LRRC4C: variants seen among roughly 807,000 people sequenced by gnomAD.
LRRC4C encodes the protein leucine-rich repeat-containing protein 4C.
In LRRC4C, 5 loss-of-function variants were observed where a neutral mutation model predicts 33.6. The ratio of observed to expected loss-of-function variants is 0.15; its 90% CI spans 0.08 to 0.31. The LOEUF (loss-of-function observed/expected upper bound fraction) is 0.31. Ranked by LOEUF, LRRC4C falls within the 10% of genes least tolerant of loss-of-function variation. The probability of loss-of-function intolerance (pLI) is 1.00; values close to 1 mark genes in which losing one functional copy is unlikely to be tolerated. For missense variants in LRRC4C, 560 were observed against 796.7 expected (o/e 0.70, Z 3.58); for synonymous variants, 329 against 302.0 (o/e 1.09, Z -0.93).
At chr11:40,619,870 A>C (rs1293181047) in intron 3 of LRRC4C, among the ~76,000 whole-genome samples, 1 of 151,280 alleles carries the variant, frequency 6.6e-6, no homozygotes, top group East Asian at 1.9e-4. Context: ...GAATGCACAG[A>C]GACTGTCAAG....
chr11:40,585,606 A>T (rs926047795), intron 3 of LRRC4C, among the ~76,000 whole-genome samples: 2 of 135,196 alleles, frequency 1.5e-5, no homozygotes, highest in Non-Finnish European at 3.2e-5. Flanking sequence ...ATATCTCCCA[A>T]TGGTATCCCT....
chr11:40,976,365 A>G (rs1309824602), intron 1 of LRRC4C, among the ~76,000 whole-genome samples: 3 of 152,166 alleles, frequency 2.0e-5, no homozygotes, highest in African/African-American at 7.2e-5. Context: ...TTGTGTATTC[A>G]TAAGCAAGGG....
chr11:40,943,142 A>T (rs1958233807), intron 1 of LRRC4C, among the ~76,000 whole-genome samples: 2 of 152,176 alleles, frequency 1.3e-5, no homozygotes, highest in African/African-American at 2.4e-5. Context: ...CTGAGAGGTG[A>T]TATGTGTGAA....
At chr11:40,709,924 T>C (rs553555194) in intron 2 of LRRC4C, among the ~76,000 whole-genome samples, 54 of 152,312 alleles carry the variant, frequency 3.5e-4, no homozygotes, top group African/African-American at 1.3e-3. Flanking sequence ...TTTTCTCACT[T>C]CATTTCATTA....
At chr11:40,866,729 C>A (rs1954387432) in intron 2 of LRRC4C, among the ~76,000 whole-genome samples, 1 of 151,906 alleles carries the variant, frequency 6.6e-6, no homozygotes, top group African/African-American at 2.4e-5. Context: ...GTTTTAAGGG[C>A]CAGAATAATA....
intron 3 of LRRC4C, among the ~76,000 whole-genome samples, chr11:40,361,398 G>T (rs770551108): frequency 3.3e-5 from 5 of 152,110 alleles, no homozygotes; most frequent in African/African-American, 7.2e-5. Context: ...AAAATTGCCA[G>T]CATTTCTATA....
At chr11:41,314,579 C>T (rs552808182) in intron 1 of LRRC4C, among the ~76,000 whole-genome samples, 37 of 152,232 alleles carry the variant, frequency 2.4e-4, no homozygotes, top group South Asian at 1.9e-3. Context: ...TGTCCTCACT[C>T]ATAGGTGGGA....
At chr11:40,385,848 A>G (rs1043767111) in intron 3 of LRRC4C, among the ~76,000 whole-genome samples, 2 of 150,768 alleles carry the variant, frequency 1.3e-5, no homozygotes, top group African/African-American at 4.9e-5. Context: ...GCCTGGCAAC[A>G]GAGTGAGACT....
At chr11:40,239,442 C>T (rs930451613) in intron 5 of LRRC4C, among the ~76,000 whole-genome samples, 2 of 152,186 alleles carry the variant, frequency 1.3e-5, no homozygotes, top group Non-Finnish European at 2.9e-5. Context: ...TCTCACATGG[C>T]TTCTTCCTGT....
intron 4 of LRRC4C, among the ~76,000 whole-genome samples, chr11:40,295,318 T>C (rs1944455005): frequency 6.6e-6 from 1 of 152,080 alleles, no homozygotes; most frequent in Non-Finnish European, 1.5e-5. Context: ...ATTTAAACAG[T>C]ACTATATATA....
intron 4 of LRRC4C, among the ~76,000 whole-genome samples, chr11:40,313,102 A>G (rs1363012271): frequency 1.3e-5 from 2 of 152,064 alleles, no homozygotes; most frequent in South Asian, 2.1e-4. Context: ...TCTCTTTTCA[A>G]TCTCTACCTC....
chr11:40,562,660 C>T (rs923039346), intron 3 of LRRC4C, among the ~76,000 whole-genome samples: 4 of 152,118 alleles, frequency 2.6e-5, no homozygotes, highest in African/African-American at 9.7e-5. Flanking sequence ...TTCAAACTAC[C>T]TTAAGTGTAC....
intron 1 of LRRC4C, among the ~76,000 whole-genome samples, chr11:41,167,441 C>A (rs1944780610): frequency 6.6e-6 from 1 of 152,090 alleles, no homozygotes; most frequent in Non-Finnish European, 1.5e-5. Flanking sequence ...ATTTTATTAT[C>A]AAAAATTGTA....
chr11:40,628,274 G>A (rs1426374482), intron 3 of LRRC4C, among the ~76,000 whole-genome samples: 1 of 152,126 alleles, frequency 6.6e-6, no homozygotes, highest in South Asian at 2.1e-4. Context: ...TCAGGAGATC[G>A]AGACCATCCT....
At chr11:40,471,311 A>C (rs773120683) in intron 3 of LRRC4C, among the ~76,000 whole-genome samples, 1 of 152,184 alleles carries the variant, frequency 6.6e-6, no homozygotes, top group African/African-American at 2.4e-5. Context: ...GGAGAAATAA[A>C]GTCCTTTACA....
intron 2 of LRRC4C, among the ~76,000 whole-genome samples, chr11:40,859,104 GC>G (rs1011252589): frequency 1.3e-5 from 2 of 152,156 alleles, no homozygotes; most frequent in East Asian, 3.8e-4. Flanking sequence ...ATAGAACGTA[GC>G]AAACCACAAG....
intron 1 of LRRC4C, among the ~76,000 whole-genome samples, chr11:41,218,999 C>T (rs1947186696): frequency 6.6e-6 from 1 of 151,906 alleles, no homozygotes; most frequent in Non-Finnish European, 1.5e-5. Flanking sequence ...TCTCAATCTC[C>T]TGACCTCATG....
At chr11:41,303,511 C>T (rs1244658849) in intron 1 of LRRC4C, among the ~76,000 whole-genome samples, 2 of 127,672 alleles carry the variant, frequency 1.6e-5, no homozygotes. Flanking sequence ...GCCGCCACCC[C>T]ATCTGGGAAG....
intron 1 of LRRC4C, among the ~76,000 whole-genome samples, chr11:41,089,976 T>C (rs1940288033): frequency 6.6e-6 from 1 of 151,630 alleles, no homozygotes; most frequent in Non-Finnish European, 1.5e-5. Context: ...AATAAGGTGA[T>C]TGGAAACAAT....
Sources: allele counts gnomAD v4.1 joint callset (sites outside exome capture counted in the v4.1 genomes callset), GRCh38; gene constraint gnomAD v4.1.1; transcripts MANE v1.5; gene names NCBI Gene and HGNC (gene_info 2026-07-23, HGNC 2026-07-21).